Variants in ZBTB7A observed in about 807,000 individuals in gnomAD.
The protein encoded by ZBTB7A is zinc finger and BTB domain-containing protein 7A.
A neutral mutation model predicts 26.7 loss-of-function variants in ZBTB7A; 7 were observed. The ratio of observed to expected loss-of-function variants is 0.26; its 90% confidence interval spans 0.15 to 0.49. The LOEUF is 0.49. ZBTB7A is among the 20% of genes least tolerant of loss of function. The pLI is 0.98. For missense variants in ZBTB7A, 617 were observed against 919.5 expected, an observed-to-expected ratio of 0.67 and a Z score of 4.25; for synonymous variants, 452 against 441.0, an observed-to-expected ratio of 1.02 and a Z score of -0.31.
chr19:4,058,203 C>G (rs1029970681), intron 1 of ZBTB7A, among the ~76,000 whole-genome samples: 1 of 152,200 alleles, frequency 6.6e-6, no homozygotes, highest in Admixed American at 6.5e-5. Flanking sequence ...TAACAGAGAC[C>G]GGGCTACAGC....
In ZBTB7A at chr19:4,054,476, T is replaced by A; in HGVS notation, c.757A>T (p.Thr253Ser). 7.3e-7 allele frequency: 1 copy of A among 1,371,710 alleles called. No individual in the cohort carries two copies. The highest frequency in any genetic ancestry group is 9.3e-7 in the Non-Finnish European group (1 of 1,071,244). 85.0% of individuals were successfully genotyped at this position (1,371,710 alleles called of 1,614,324 possible). The stretch of plus-strand genomic sequence containing the variant: ...ACCGGCGGCGGAAAGAGACCCCCGG[T>A]GGGGGCGTCCTCATCCCGCTCTGGC... ...LWPERDEDAP[T>S]GGLFPPPVAP... Residue 253 changes from threonine (T) to serine (S), a missense_variant, in exon 2 of 3, where the codon ACC (threonine) becomes TCC (serine). Around this residue, in one of 5 missense-constraint regions of ZBTB7A, gnomAD observed 331 missense variants for 391.3 expected, o/e 0.85. Coordinates refer to ENST00000322357, the MANE Select transcript of ZBTB7A (RefSeq NM_015898.4).
At position 4,043,318 on chromosome 19, in the gene ZBTB7A, C is replaced by A. The variant is rs1251943895; in HGVS notation, c.*4434G>T. Among the ~76,000 whole-genome samples, 2 of 146,814 alleles carry A rather than the reference C, an allele frequency of 1.4e-5. No homozygotes were observed. Among genetic ancestry groups the A allele is most frequent in the African/African-American group, 5.0e-5 (2 of 40,100 alleles). ...AGGCGGCAGCGGTCGTAACAGGCTG[C>A]GTTTAGTGGTTCTTTTTTTTTTTTT... On this transcript the variant is annotated 3_prime_UTR_variant, in exon 3 of 3. Transcript: ENST00000322357.
chr19:4,043,331 T>G lies in ZBTB7A; in HGVS notation c.*4421A>C, dbSNP rs1449339473. The stretch of plus-strand genomic sequence containing the variant: ...CGTAACAGGCTGCGTTTAGTGGTTC[T>G]TTTTTTTTTTTTATGTACAAGAAAA... On this transcript the variant is annotated 3_prime_UTR_variant, in exon 3 of 3. Transcript: ENST00000322357. 2.9e-5 allele frequency among the ~76,000 whole-genome samples: 4 copies of G among 140,000 alleles called. No individual in the cohort carries two copies. The highest frequency in any genetic ancestry group is 1.0e-4 in the African/African-American group (4 of 38,794). 91.8% of individuals were successfully genotyped at this position (140,000 alleles called of 152,430 possible).
At chr19:4,065,468 C>CGGCGGCGGT (rs1029409455) in intron 1 of ZBTB7A, 3 of 146,000 alleles carry the variant, frequency 2.1e-5, no homozygotes, top group Admixed American at 2.0e-4. Flanking sequence ...CCGGCCCCGG[C>CGGCGGCGGT]GGCGGCGGTG....
chr19:4,054,204 G>C lies in ZBTB7A; in HGVS notation c.1029C>G (p.Ala343=). 6.3e-7 allele frequency: 1 copy of C among 1,588,676 alleles called. No individual in the cohort carries two copies. Among genetic ancestry groups the C allele is most frequent in the Non-Finnish European group, 8.5e-7 (1 of 1,172,956 alleles). Residue 343 remains alanine, a synonymous_variant, in exon 2 of 3, where the codon GCC becomes GCG. Transcript: ENST00000322357. ...AGTAGTCCATGACGCCCTTGTCGTC[G>C]GCCCGCGACTCCTCGTCGCTGTCCC... The part of the protein sequence containing the change: ...AAGDSDEESR[A]DDKGVMDYYL...
chr19:4,058,305 C>T (rs1473505044), intron 1 of ZBTB7A, among the ~76,000 whole-genome samples: 2 of 152,222 alleles, frequency 1.3e-5, no homozygotes, highest in Non-Finnish European at 2.9e-5. Context: ...TCAGCCACCC[C>T]AGCTGAGCTG....
rs903885705 is a variant in ZBTB7A at position 4,066,759 on chromosome 19, G to A, written c.-93C>T. The A allele has an allele frequency of 3.6e-4, 55 of 151,828 alleles. No homozygotes were observed. Among genetic ancestry groups the A allele is most frequent in the African/African-American group, 1.3e-3 (55 of 41,328 alleles). 9.4% of individuals were successfully genotyped at this position (151,828 alleles called of 1,614,324 possible). On this transcript the variant is annotated 5_prime_UTR_variant, in exon 1 of 3. Transcript: ENST00000322357. ...GCTCCCTCGGCCGCTCGCCTCCGGG[G>A]TCCGCGGCGCTCGCTCTGCCCGCGT...
At chr19:4,066,649 C>G (rs1307213915) in intron 1 of ZBTB7A, 33 bp downstream of exon 1, 3 of 151,426 alleles carry the variant, frequency 2.0e-5, no homozygotes. Flanking sequence ...GCCCTGCACC[C>G]CGTGCCGGGG....
At chr19:4,051,096 CAAAAAAAAAAA>C (rs71166952) in intron 2 of ZBTB7A, among the ~76,000 whole-genome samples, 499 of 42,456 alleles carry the variant, frequency 0.012, 8 homozygotes, top group African/African-American at 0.043. Flanking sequence ...AGACTCGTCT[CAAAAAAAAAAA>C]AAAAAAAAAA....
In ZBTB7A at chr19:4,047,763, C is replaced by T. The variant is rs972834487; in HGVS notation, c.1744G>A (p.Gly582Arg). 1.3e-6 allele frequency: 2 copies of T among 1,597,792 alleles called. No homozygotes were observed. The highest frequency in any genetic ancestry group is 8.5e-7 in the Non-Finnish European group (1 of 1,172,882). Residue 582 changes from glycine (G) to arginine (R), a missense_variant, in exon 3 of 3, where the codon GGA becomes AGA. Transcript: ENST00000322357. ...GAATDGNFTA[G>R]LA ...TCTCTTTTTGGTTTTTAGGCGAGTC[C>T]GGCTGTGAAGTTACCGTCGGTGGCG...
chr19:4,059,088 G>C (rs1230303424), intron 1 of ZBTB7A, among the ~76,000 whole-genome samples: 1 of 152,204 alleles, frequency 6.6e-6, no homozygotes, highest in Non-Finnish European at 1.5e-5. Context: ...CTGCCGTCTG[G>C]CCCTGGGCCG....
intron 1 of ZBTB7A, among the ~76,000 whole-genome samples, chr19:4,066,072 A>G (rs1364396145): frequency 7.3e-6 from 1 of 136,200 alleles, no homozygotes; most frequent in African/African-American, 2.7e-5. Context: ...GCCGCTTGCC[A>G]CCTGCCGGCT....
rs1295008672 is a variant in ZBTB7A at position 4,065,741 on chromosome 19, C to G, written c.-16+941G>C. 2.8e-5 allele frequency: 4 copies of G among 140,668 alleles called. No homozygotes were observed. The South Asian group carries it at 8.7e-4, about 30-fold the overall frequency. 8.7% of individuals were successfully genotyped at this position (140,668 alleles called of 1,614,324 possible). A position where few individuals can be genotyped will look rare whatever the true frequency, so the allele number is the denominator to read the frequency against. On this transcript the variant is annotated intron_variant, in intron 1 of 2. Coordinates refer to ENST00000322357, the MANE Select transcript of ZBTB7A (RefSeq NM_015898.4). ...CCCGGGGAGCGCGGGGAGGGTGACC[C>G]CCCCCCCACGGGCGGGGGGCCGAGG...
chr19:4,048,990 A>G lies in ZBTB7A; in HGVS notation c.1263-746T>C, dbSNP rs78073259. Among the ~76,000 whole-genome samples the G allele has an allele frequency of 1.1e-4, 16 of 148,542 alleles. No individual in the cohort carries two copies. In the East Asian group the frequency reaches 2.2e-3, roughly 20 times the overall value. ...GAGACTGTCTCCAAAAAAAAAAAAAAAGAGAGGCAGGGTCTGGCTTTGTCC... is the reference window on the plus strand; with the variant it reads ...GAGACTGTCTCCAAAAAAAAAAAAAGAGAGAGGCAGGGTCTGGCTTTGTCC... On this transcript the variant is annotated intron_variant, in intron 2 of 2. Transcript: ENST00000322357. The surrounding 1 kb of genome is among the most constrained non-coding windows in gnomAD (Gnocchi z 6.7).
rs1245838524 is a variant in ZBTB7A, at chr19:4,054,673, G to A, written c.560C>T (p.Ala187Val). Residue 187 changes from alanine to valine, a missense_variant, in exon 2 of 3, where the codon GCC becomes GTC. Ala to Val is a moderately conservative substitution (Grantham distance 64). Around this residue, in one of 5 missense-constraint regions of ZBTB7A, gnomAD observed 331 missense variants for 391.3 expected, o/e 0.85. Transcript: ENST00000322357. ...CAGGTCATCATCGGACGCCCCAAAG[G>A]CGGACCACGGGAAGCTGGCAGCGGC... ...AAAAASFPWS[A>V]FGASDDDLDA... 5 of 1,597,134 alleles carry A rather than the reference G, an allele frequency of 3.1e-6. No individual in the cohort carries two copies. Among genetic ancestry groups the A allele is most frequent in the African/African-American group, 2.7e-5 (2 of 74,722 alleles).
At position 4,043,736 on chromosome 19, in the gene ZBTB7A, C is replaced by G. The variant is rs1433683900; in HGVS notation, c.*4016G>C. 6.1e-5 allele frequency among the ~76,000 whole-genome samples: 6 copies of G among 98,680 alleles called. No homozygotes were observed. Among genetic ancestry groups the G allele is most frequent in the Admixed American group, 1.9e-4 (2 of 10,458 alleles). The allele number at this position is 98,680 out of a possible 152,430, so 64.7% of individuals were successfully genotyped here. A position where few individuals can be genotyped will look rare whatever the true frequency, so the allele number is the denominator to read the frequency against. ...CTGGGCCCGGCCCCCCCCCCCCCCC[C>G]CCGTAAATCTATGTATTTAATGCGA... On this transcript the variant is annotated 3_prime_UTR_variant, in exon 3 of 3. Transcript: ENST00000322357.
rs1028481855 is a variant in ZBTB7A at position 4,046,782 on chromosome 19, A to G, written c.*970T>C. The G allele has an allele frequency of 6.8e-6, 1 of 147,306 alleles. No individual in the cohort carries two copies. The allele number at this position is 147,306 out of a possible 1,614,324, so 9.1% of individuals were successfully genotyped here. ...AAGTATATTATTTATATATATATATATATCTATATATAAATTTTGTTTTTA... is the reference window on the plus strand; with the variant it reads ...AAGTATATTATTTATATATATATATGTATCTATATATAAATTTTGTTTTTA... On this transcript the variant is annotated 3_prime_UTR_variant, in exon 3 of 3. Transcript: ENST00000322357.
rs1205141938 is a variant in ZBTB7A at position 4,054,579 on chromosome 19, G to A, written c.654C>T (p.Asp218=). Residue 218 remains aspartate (D), a synonymous_variant, in exon 2 of 3, where the codon GAC becomes GAT. Coordinates refer to ENST00000322357, the MANE Select transcript of ZBTB7A (RefSeq NM_015898.4). ...CGGCCGGGGGGCCCGGCCCATAGAA[G>A]TCTAAGCCGTTGCAGTCGCCCGCGG... The part of the protein sequence containing the change: ...AVAAGDCNGL[D]FYGPGPPAER... The A allele has an allele frequency of 2.2e-5, 34 of 1,550,182 alleles. No homozygotes were observed. The highest frequency in any genetic ancestry group is 2.9e-5 in the Non-Finnish European group (34 of 1,157,008).
At chr19:4,063,207 G>T (rs376982293) in intron 1 of ZBTB7A, among the ~76,000 whole-genome samples, 73 of 152,288 alleles carry the variant, frequency 4.8e-4, no homozygotes, top group African/African-American at 1.6e-3. Flanking sequence ...ACCACGGGTG[G>T]CTTTGCAGGC....
Sources: gnomAD v4.1 joint callset for allele counts (sites outside exome capture counted in the v4.1 genomes callset) on GRCh38, gnomAD v4.1.1 for gene constraint, gnomAD v4.1.1 regional missense constraint, Gnocchi (gnomAD v3.1) non-coding constraint, MANE v1.5 for transcripts, NCBI Gene and HGNC (gene_info 2026-07-23, HGNC 2026-07-21) for gene names.